LRP2: variants seen among roughly 807,000 people sequenced by gnomAD.
LRP2 encodes the protein low-density lipoprotein receptor-related protein 2.
Under a neutral mutation model 531.0 loss-of-function variants are expected in LRP2, and 172 were observed. The observed-to-expected ratio is 0.32, with a 90% confidence interval of 0.29 to 0.37. The LOEUF is 0.37. Among genes scored for constraint, LRP2 ranks in the 10% least tolerant of loss-of-function variants. LRP2 has a pLI of 1.00. For synonymous variants in LRP2, 1,992 were observed against 2,027.6 expected (o/e 0.98, Z 0.47); for missense variants, 5,167 against 5,868.3 (o/e 0.88, Z 3.90).
intron 29 of LRP2, among the ~76,000 whole-genome samples, chr2:169,234,912 G>GT (rs35329615): frequency 1.5e-3 from 219 of 145,018 alleles, no homozygotes; most frequent in Middle Eastern, 3.4e-3. Flanking sequence ...GTTAATTTTT[G>GT]TTTTTTTTTT....
intron 16 of LRP2, among the ~76,000 whole-genome samples, chr2:169,269,547 C>A (rs1297788035): frequency 6.6e-6 from 1 of 151,990 alleles, no homozygotes; most frequent in Non-Finnish European, 1.5e-5. Context: ...AACTGGCTAG[C>A]CATATTTAGA....
At position 169,200,608 on chromosome 2, in the gene LRP2, T is replaced by TACTAA. The variant is rs369228590; in HGVS notation, c.8452+1015_8452+1019dup. Reference sequence around the variant, plus strand: ...ATGAAGATCAAAGAGTTCAATATAATACTAAACTAAACTAAACTAAACAAA... The same window carrying TACTAA: ...ATGAAGATCAAAGAGTTCAATATAATACTAAACTAAACTAAACTAAACTAAACAAA... On this transcript the variant is annotated intron_variant, in intron 44 of 78. Coordinates refer to ENST00000649046, the MANE Select transcript of LRP2 (RefSeq NM_004525.3). 4.3e-3 allele frequency among the ~76,000 whole-genome samples: 655 copies of TACTAA among 152,268 alleles called. 9 individuals are homozygous for TACTAA. The highest frequency in any genetic ancestry group is 0.015 in the African/African-American group (621 of 41,554).
intron 75 of LRP2, among the ~76,000 whole-genome samples, chr2:169,138,128 C>A (rs185997727): frequency 9.9e-4 from 151 of 152,268 alleles, no homozygotes; most frequent in African/African-American, 3.2e-3. Context: ...GTGGCAGAGC[C>A]GTGGTCTGGA....
intron 19 of LRP2, among the ~76,000 whole-genome samples, chr2:169,249,823 C>T (rs1233432400): frequency 2.5e-5 from 1 of 39,854 alleles, no homozygotes; most frequent in Non-Finnish European, 4.2e-5. Context: ...AACCAAGGCT[C>T]GAGAACTACG....
chr2:169,270,509 GA>G (rs1683377768), intron 16 of LRP2, among the ~76,000 whole-genome samples: 1 of 150,340 alleles, frequency 6.7e-6, no homozygotes, highest in African/African-American at 2.5e-5. Context: ...TGCAAGGACA[GA>G]AAACCAAACA....
intron 55 of LRP2, 144 bp from the exon 56 acceptor site, chr2:169,174,308 A>G: frequency 3.3e-6 from 3 of 919,898 alleles, no homozygotes; most frequent in South Asian, 3.0e-5. Flanking sequence ...CAGTACTACT[A>G]CATGGAGCAC....
intron 37 of LRP2, among the ~76,000 whole-genome samples, chr2:169,211,628 T>C (rs1256130876): frequency 6.6e-6 from 1 of 152,162 alleles, no homozygotes; most frequent in African/African-American, 2.4e-5. Context: ...CTACATTCTA[T>C]ATTGCTCTGG....
chr2:169,171,283 T>C (rs1686996658), intron 58 of LRP2, among the ~76,000 whole-genome samples: 2 of 152,166 alleles, frequency 1.3e-5, no homozygotes, highest in African/African-American at 4.8e-5. Flanking sequence ...AAAGTTAGAA[T>C]GTGTTTCATT....
At chr2:169,138,492 T>C in intron 75 of LRP2, 85 bp downstream of exon 75, 1 of 1,455,844 alleles carries the variant, frequency 6.9e-7, no homozygotes, top group East Asian at 2.5e-5. Context: ...TATTTCAGTC[T>C]TCTCTAGGTG....
At chr2:169,193,981 G>C in intron 46 of LRP2, 89 bp from the exon 47 acceptor site, 1 of 1,416,124 alleles carries the variant, frequency 7.1e-7, no homozygotes, top group Non-Finnish European at 1.0e-6. Flanking sequence ...GGGTTGTCTA[G>C]AAAACCTGAA....
intron 62 of LRP2, among the ~76,000 whole-genome samples, 165 bp from the exon 63 acceptor site, chr2:169,162,765 C>T (rs1042712298): frequency 3.9e-5 from 6 of 152,388 alleles, no homozygotes; most frequent in East Asian, 3.9e-4. Flanking sequence ...TTCTAGCCAA[C>T]GTACTGTCAG....
chr2:169,282,446 A>G (rs188417155), intron 10 of LRP2, among the ~76,000 whole-genome samples: 21 of 152,360 alleles, frequency 1.4e-4, no homozygotes, highest in Non-Finnish European at 1.5e-5. Flanking sequence ...CAAATTTAGC[A>G]TGTCCATTTG....
intron 9 of LRP2, 119 bp from the exon 10 acceptor site, chr2:169,283,120 C>CCCT (rs1683751453): frequency 1.0e-6 from 1 of 976,974 alleles, no homozygotes; most frequent in Middle Eastern, 2.1e-4. Flanking sequence ...TAAATAAACA[C>CCCT]CCTCTGGAAT....
Position 169,206,196 on chromosome 2 carries a change from C to T in LRP2, c.7391-8G>A. ...CATCAGCAGTCCCTATACCTGGACA[C>T]ATACAGGCAGACACACACACAAGCA... On this transcript the variant is annotated splice_polypyrimidine_tract_variant and splice_region_variant and intron_variant, in intron 39 of 78. Transcript: ENST00000649046. The T allele has an allele frequency of 6.2e-7, 1 of 1,614,162 alleles. No homozygotes were observed.
In LRP2 at chr2:169,326,088, A is replaced by T. The variant is rs1021639086; in HGVS notation, c.80-5204T>A. ...TACTATATGCAATTGTCCTAGGATC[A>T]GTGGAAGAAAAAAGAAAAATAAGAT... is the stretch of plus-strand genomic sequence containing the variant. On this transcript the variant is annotated intron_variant, in intron 1 of 78. Coordinates refer to ENST00000649046, the MANE Select transcript of LRP2 (RefSeq NM_004525.3). 6.6e-5 allele frequency among the ~76,000 whole-genome samples: 10 copies of T among 151,054 alleles called. No homozygotes were observed. The East Asian group carries it at 1.4e-3, about 21-fold the overall frequency.
intron 1 of LRP2, among the ~76,000 whole-genome samples, chr2:169,347,960 A>G (rs1013953954): frequency 3.3e-5 from 5 of 152,224 alleles, no homozygotes; most frequent in Non-Finnish European, 5.9e-5. Flanking sequence ...TTGATTACGT[A>G]CAGAGGACTA....
intron 16 of LRP2, among the ~76,000 whole-genome samples, chr2:169,260,584 C>A (rs1690505435): frequency 2.0e-5 from 3 of 152,020 alleles, no homozygotes; most frequent in Non-Finnish European, 2.9e-5. Context: ...AGGCAGCTGG[C>A]ACTATGGGTC....
At chr2:169,302,951 T>A (rs768644069) in intron 4 of LRP2, among the ~76,000 whole-genome samples, 9 of 151,250 alleles carry the variant, frequency 6.0e-5, no homozygotes, top group Admixed American at 4.6e-4. Flanking sequence ...TAAAGAAGAG[T>A]TGTTTAATTT....
chr2:169,240,408 C>T (rs1471991105), intron 25 of LRP2, among the ~76,000 whole-genome samples: 1 of 152,082 alleles, frequency 6.6e-6, no homozygotes, highest in South Asian at 2.1e-4. Flanking sequence ...ACAGAACATG[C>T]GTTAGAAAGG....
Sources: gnomAD v4.1 joint callset for allele counts (sites outside exome capture counted in the v4.1 genomes callset) on GRCh38, gnomAD v4.1.1 for gene constraint, MANE v1.5 for transcripts, NCBI Gene and HGNC (gene_info 2026-07-23, HGNC 2026-07-21) for gene names.